The following CALN1 variants were observed in gnomAD, a reference collection of about 807,000 sequenced individuals.
CALN1 encodes the protein calcium-binding protein 8.
CALN1 carries 17 observed loss-of-function variants against 30.6 expected under a neutral mutation model. That is an observed-to-expected ratio of 0.56 (90% CI 0.38 to 0.83). The LOEUF (loss-of-function observed/expected upper bound fraction) is 0.83. Among genes scored for constraint, CALN1 ranks in the 40% least tolerant of loss-of-function variants. CALN1 has a pLI of 0.00. For synonymous variants in CALN1, 156 were observed against 131.4 expected (o/e 1.19, Z -1.28); for missense variants, 291 against 354.9 (o/e 0.82, Z 1.45).
At chr7:72,007,168 C>A (rs778026668) in intron 5 of CALN1, among the ~76,000 whole-genome samples, 1 of 152,204 alleles carries the variant, frequency 6.6e-6, no homozygotes, top group African/African-American at 2.4e-5. Flanking sequence ...CTTGCTGCCA[C>A]GTATGGCACG....
intron 5 of CALN1, among the ~76,000 whole-genome samples, chr7:71,897,318 C>T (rs922849464): frequency 6.6e-6 from 1 of 152,092 alleles, no homozygotes; most frequent in African/African-American, 2.4e-5. Flanking sequence ...TTCATTTTAA[C>T]CTGCTCAGCT....
intron 5 of CALN1, among the ~76,000 whole-genome samples, chr7:71,863,341 C>T (rs1263882006): frequency 2.7e-5 from 4 of 149,712 alleles, no homozygotes; most frequent in Non-Finnish European, 5.9e-5. Context: ...GCGGATCACC[C>T]GAGGTGAGGA....
intron 4 of CALN1, among the ~76,000 whole-genome samples, chr7:72,092,408 T>A (rs1805925819): frequency 6.6e-6 from 1 of 151,958 alleles, no homozygotes; most frequent in Admixed American, 6.6e-5. Context: ...GCTGTTCTCT[T>A]TTTAAGGGTA....
chr7:72,446,397 G>T (rs886520385), intron 1 of CALN1, among the ~76,000 whole-genome samples: 13 of 152,140 alleles, frequency 8.5e-5, no homozygotes, highest in African/African-American at 2.9e-4. Flanking sequence ...CTGAGACTCG[G>T]CTAGAAGTGA....
At chr7:71,930,993 C>G (rs953525211) in intron 5 of CALN1, among the ~76,000 whole-genome samples, 2 of 151,952 alleles carry the variant, frequency 1.3e-5, no homozygotes, top group Non-Finnish European at 2.9e-5. Flanking sequence ...TCTGGCAAAG[C>G]GACAGATTAC....
At chr7:72,253,499 A>C (rs1380443015) in intron 3 of CALN1, among the ~76,000 whole-genome samples, 2 of 152,258 alleles carry the variant, frequency 1.3e-5, no homozygotes, top group East Asian at 3.8e-4. Flanking sequence ...GAAAACTTAC[A>C]ATCATGGCTG....
At chr7:71,795,814 CTT>C (rs55667543) in intron 6 of CALN1, among the ~76,000 whole-genome samples, 3 of 98,546 alleles carry the variant, frequency 3.0e-5, no homozygotes, top group South Asian at 4.0e-4. Flanking sequence ...GTACTTCATT[CTT>C]TTTTTTTTTT....
chr7:71,980,293 T>C (rs896572089), intron 5 of CALN1, among the ~76,000 whole-genome samples: 22 of 151,776 alleles, frequency 1.4e-4, no homozygotes, highest in African/African-American at 5.1e-4. Flanking sequence ...TTCAAGTGAT[T>C]CTTCTGCCTC....
chr7:72,237,190 G>C (rs1393672006), intron 3 of CALN1, among the ~76,000 whole-genome samples: 1 of 152,022 alleles, frequency 6.6e-6, no homozygotes, highest in Non-Finnish European at 1.5e-5. Flanking sequence ...CACCAAGTTA[G>C]CCAGGCTGGT....
At chr7:71,948,908 T>C (rs1796546447) in intron 5 of CALN1, among the ~76,000 whole-genome samples, 1 of 150,630 alleles carries the variant, frequency 6.6e-6, no homozygotes, top group South Asian at 2.1e-4. Context: ...CCAGGCATGG[T>C]AGCATGTGCC....
chr7:72,462,723 T>G, the CALN1 span, among the ~76,000 whole-genome samples: 1 of 152,178 alleles, frequency 6.6e-6, no homozygotes, highest in Non-Finnish European at 1.5e-5. Context: ...TGCACTCCCT[T>G]TTTCCCCAGA....
intron 3 of CALN1, among the ~76,000 whole-genome samples, chr7:72,233,543 C>A (rs374619605): frequency 6.6e-6 from 1 of 151,832 alleles, no homozygotes; most frequent in Admixed American, 6.6e-5. Flanking sequence ...TAGTGAGACC[C>A]CATTTCTACA....
At chr7:71,989,838 G>C (rs1053302330) in intron 5 of CALN1, among the ~76,000 whole-genome samples, 4 of 152,050 alleles carry the variant, frequency 2.6e-5, no homozygotes, top group African/African-American at 9.7e-5. Context: ...GCACACTATG[G>C]AACAGAAGCA....
chr7:72,086,306 G>A (rs1805479846), intron 4 of CALN1, among the ~76,000 whole-genome samples: 1 of 152,084 alleles, frequency 6.6e-6, no homozygotes, highest in Non-Finnish European at 1.5e-5. Flanking sequence ...TGGTTATTAT[G>A]TAATCTCTTC....
Position 72,285,261 on chromosome 7 carries a change from T to C in CALN1, c.120-6451A>G, listed in dbSNP as rs185477082. Among the ~76,000 whole-genome samples, 30 of 152,348 alleles carry C rather than the reference T, an allele frequency of 2.0e-4. 1 individual carries two copies. In the East Asian group the frequency reaches 5.0e-3, roughly 25 times the overall value. ...GGTTTTTGTTTTGTTTTGTTTGTTT[T>C]TGAGATGGAGTCTTGCTCTGTTGCC... On this transcript the variant is annotated intron_variant, in intron 2 of 6. Transcript: ENST00000395275.
In CALN1 at chr7:71,785,762, T is replaced by C. The variant is rs1182626215; in HGVS notation, c.*2013A>G. The C allele has an allele frequency of 6.5e-6, 1 of 152,692 alleles. No homozygotes were observed. The highest frequency in any genetic ancestry group is 1.5e-5 in the Non-Finnish European group (1 of 68,294). 9.5% of individuals were successfully genotyped at this position (152,692 alleles called of 1,614,324 possible). The stretch of plus-strand genomic sequence containing the variant: ...TATTCTGCATTTGGACCGGTTCTAG[T>C]TGAGAATTCCAATCCTAAGGGGACA... On this transcript the variant is annotated 3_prime_UTR_variant, in exon 7 of 7. Transcript: ENST00000395275.
Position 71,898,006 on chromosome 7 carries a change from AGGGAGGGG to A in CALN1, c.502-87522_502-87515del, listed in dbSNP as rs377703175. Among the ~76,000 whole-genome samples, 36 of 79,278 alleles carry A rather than the reference AGGGAGGGG, an allele frequency of 4.5e-4. 1 individual carries two copies. The East Asian group carries it at 5.7e-3, about 12-fold the overall frequency. The allele number at this position is 79,278 out of a possible 152,430, so 52.0% of individuals were successfully genotyped here. On this transcript the variant is annotated intron_variant, in intron 5 of 6. Transcript: ENST00000395275. Reference sequence around the variant, plus strand: ...AAAAAAAAAAAAGAGAGAGAGAGGGAGGGAGGGGGGGGGAGAGAGAGAGAGAGAGAGAG... The same window carrying A: ...AAAAAAAAAAAAGAGAGAGAGAGGGAGGGGGAGAGAGAGAGAGAGAGAGAG...
At chr7:72,112,257 A>G (rs1007108858) in intron 3 of CALN1, among the ~76,000 whole-genome samples, 6 of 152,194 alleles carry the variant, frequency 3.9e-5, no homozygotes, top group African/African-American at 1.4e-4. Flanking sequence ...CTGATGTTCT[A>G]GCTTTGAAGA....
intron 5 of CALN1, among the ~76,000 whole-genome samples, chr7:71,837,459 T>C (rs924650113): frequency 6.6e-6 from 1 of 152,104 alleles, no homozygotes; most frequent in African/African-American, 2.4e-5. Flanking sequence ...GGACAATCCT[T>C]GGATACAACA....
Sources: allele counts gnomAD v4.1 joint callset (sites outside exome capture counted in the v4.1 genomes callset), GRCh38; gene constraint gnomAD v4.1.1; transcripts MANE v1.5; gene names NCBI Gene and HGNC (gene_info 2026-07-23, HGNC 2026-07-21).